The following ATP11A variants were observed in gnomAD, a reference collection of about 807,000 sequenced individuals.
The protein encoded by ATP11A is phospholipid-transporting ATPase IH.
ATP11A carries 81 observed loss-of-function variants against 154.4 expected under a neutral mutation model. The ratio of observed to expected loss-of-function variants is 0.52; its 90% CI spans 0.44 to 0.63. The LOEUF is 0.63. ATP11A is among the 30% of genes least tolerant of loss of function. The pLI, the probability that ATP11A is intolerant of heterozygous loss-of-function variation, is 0.00. For synonymous variants in ATP11A, 623 were observed against 585.9 expected (o/e 1.06, Z -0.91); for missense variants, 1,316 against 1,474.3 (o/e 0.89, Z 1.76).
At position 112,860,304 on chromosome 13, in the gene ATP11A, G is replaced by A. The variant is rs200313549; in HGVS notation, c.2745G>A (p.Ala915=). Residue 915 remains alanine (A), a synonymous_variant, in exon 24 of 30, where the codon GCG becomes GCA. Transcript: ENST00000375645. ...TCTTACAGACTTTGTACGACACCGC[G>A]TATCTGACCCTCTACAACATCAGCT... ...GFSQQTLYDT[A]YLTLYNISFT... is the part of the protein sequence containing the mutation. 70 of 1,614,026 alleles carry A rather than the reference G, an allele frequency of 4.3e-5. No homozygotes were observed. Among genetic ancestry groups the A allele is most frequent in the East Asian group, 1.3e-4 (6 of 44,884 alleles).
rs1253886400 is a variant in ATP11A, at chr13:112,696,313, C to T, written c.39+5858C>T. Among the ~76,000 whole-genome samples, 1 of 152,192 alleles carries T rather than the reference C, an allele frequency of 6.6e-6. No homozygotes were observed. Among genetic ancestry groups the T allele is most frequent in the Non-Finnish European group, 1.5e-5 (1 of 68,030 alleles). The stretch of plus-strand genomic sequence containing the variant: ...ACCTTGGGCTTTCCGGAACCTTCTC[C>T]CCGCACTCCTCTTCACGTGGAGAGT... On this transcript the variant is annotated intron_variant, in intron 1 of 29. Coordinates refer to ENST00000375645, the MANE Select transcript of ATP11A (RefSeq NM_015205.3). The surrounding 1 kb of genome is among the most constrained non-coding windows in gnomAD (Gnocchi z 6.2).
At chr13:112,862,675 G>T (rs2080149108) in intron 25 of ATP11A, 100 bp downstream of exon 25, 1 of 1,518,914 alleles carries the variant, frequency 6.6e-7, no homozygotes, top group African/African-American at 1.4e-5. Context: ...TGCAGCCCAT[G>T]CAGCTTCCCA....
Position 112,885,429 on chromosome 13 carries a change from C to G in ATP11A, c.*3563C>G, listed in dbSNP as rs1368901914. The stretch of plus-strand genomic sequence containing the variant: ...CATGTGTACACCACAAATGAGTTCC[C>G]AGACGTGTAAACACACGTGCACACA... On this transcript the variant is annotated 3_prime_UTR_variant, in exon 30 of 30. Transcript: ENST00000375645. The G allele has an allele frequency of 6.6e-6, 1 of 152,260 alleles. No homozygotes were observed. Among genetic ancestry groups the G allele is most frequent in the African/African-American group, 2.4e-5 (1 of 41,456 alleles). 9.4% of individuals were successfully genotyped at this position (152,260 alleles called of 1,614,324 possible).
chr13:112,761,616 ATCTCGG>A (rs2076964981), intron 1 of ATP11A, among the ~76,000 whole-genome samples: 1 of 82,106 alleles, frequency 1.2e-5, no homozygotes. Context: ...TTTGGGTACT[ATCTCGG>A]ATTCAGGAGT....
chr13:112,720,339 T>C (rs974960703), intron 1 of ATP11A, among the ~76,000 whole-genome samples: 4 of 152,204 alleles, frequency 2.6e-5, no homozygotes. Context: ...AGTGTGCGAT[T>C]GGTTAAAGCA....
intron 24 of ATP11A, 49 bp from the exon 25 acceptor site, chr13:112,862,391 C>A: frequency 6.2e-7 from 1 of 1,606,966 alleles, no homozygotes; most frequent in South Asian, 1.1e-5. Flanking sequence ...GGGGAGGTGC[C>A]GGGCCCTGAT....
At chr13:112,766,562 T>C (rs530521264) in intron 1 of ATP11A, among the ~76,000 whole-genome samples, 5 of 152,198 alleles carry the variant, frequency 3.3e-5, no homozygotes, top group Non-Finnish European at 7.4e-5. Context: ...CAGTGTCTTC[T>C]GGGGTCAGGG....
In ATP11A at chr13:112,842,353, C is replaced by T. The variant is rs760997483; in HGVS notation, c.1783C>T (p.Arg595Ter). The T allele has an allele frequency of 4.3e-6, 7 of 1,609,712 alleles. No individual in the cohort carries two copies. Among genetic ancestry groups the T allele is most frequent in the Non-Finnish European group, 5.1e-6 (6 of 1,177,932 alleles). Residue 595 changes from arginine (R) to a stop codon, truncating the protein, a stop_gained, in exon 17 of 30, where the codon CGA (arginine) becomes TGA (stop). Coordinates refer to ENST00000375645, the MANE Select transcript of ATP11A (RefSeq NM_015205.3). LOFTEE classifies it high-confidence loss of function. ...GATAGAAGGCAAAGTTGACCAGATC[C>T]GAGCCAGAGTGGAGCGTAACGCAGT... ...RVIEGKVDQI[R>*]ARVERNAVEG...
Position 112,797,341 on chromosome 13 carries a change from A to G in ATP11A, c.163-7616A>G, listed in dbSNP as rs4412884. On this transcript the variant is annotated intron_variant, in intron 2 of 29. Transcript: ENST00000375645. ...ATATGCATAATGAAAAAAACAAAAG[A>G]AGAGAGAAGAAATATCTCCAGTAAA... Among the ~76,000 whole-genome samples the G allele has an allele frequency of 5.2e-3, 788 of 151,820 alleles. 6 individuals are homozygous for G. The highest frequency in any genetic ancestry group is 0.017 in the African/African-American group (713 of 41,410).
chr13:112,728,475 G>T (rs533757356), intron 1 of ATP11A, among the ~76,000 whole-genome samples: 1 of 145,122 alleles, frequency 6.9e-6, no homozygotes, highest in African/African-American at 2.6e-5. Flanking sequence ...CGTGCAGCCC[G>T]CTTCCCTGTG....
chr13:112,696,227 G>A lies in ATP11A; in HGVS notation c.39+5772G>A, dbSNP rs1164620847. Among the ~76,000 whole-genome samples, 2 of 152,230 alleles carry A rather than the reference G, an allele frequency of 1.3e-5. No individual in the cohort carries two copies. Among genetic ancestry groups the A allele is most frequent in the Non-Finnish European group, 2.9e-5 (2 of 68,030 alleles). ...AGTGCACGGGGCGTCTTTGTTGCGC[G>A]CATGGACCTGCGGCTGCATCACCGT... On this transcript the variant is annotated intron_variant, in intron 1 of 29. Coordinates refer to ENST00000375645, the MANE Select transcript of ATP11A (RefSeq NM_015205.3). This position sits in a 1 kb window ranked among gnomAD's most constrained non-coding sequence, Gnocchi z 6.2.
At chr13:112,741,711 T>C (rs1891570983) in intron 1 of ATP11A, among the ~76,000 whole-genome samples, 1 of 152,172 alleles carries the variant, frequency 6.6e-6, no homozygotes, top group South Asian at 2.1e-4. Context: ...CTGCCCATAT[T>C]CAGTGGATGC....
rs1006461154 is a variant in ATP11A at position 112,714,530 on chromosome 13, C to T, written c.39+24075C>T. 3.9e-5 allele frequency among the ~76,000 whole-genome samples: 6 copies of T among 152,332 alleles called. 1 individual carries two copies. In the South Asian group the frequency reaches 1.2e-3, roughly 32 times the overall value. On this transcript the variant is annotated intron_variant, in intron 1 of 29. Transcript: ENST00000375645. ...CCTCCCCAGGGCTGAGGAGAGGTGG[C>T]GTCTCCACTCCTGACCTGGAGGCCC...
chr13:112,841,330 G>C (rs1227436822), intron 16 of ATP11A, among the ~76,000 whole-genome samples: 21 of 143,194 alleles, frequency 1.5e-4, no homozygotes, highest in Admixed American at 2.8e-4. Context: ...TCGCGGACCA[G>C]GGATGCTTCA....
rs763112434 is a variant in ATP11A at position 112,838,941 on chromosome 13, G to A, written c.1705+2690G>A. Among the ~76,000 whole-genome samples the A allele has an allele frequency of 1.2e-4, 19 of 152,214 alleles. No homozygotes were observed. Among genetic ancestry groups the A allele is most frequent in the Non-Finnish European group, 2.4e-4 (16 of 68,028 alleles). On this transcript the variant is annotated intron_variant, in intron 16 of 29. Coordinates refer to ENST00000375645, the MANE Select transcript of ATP11A (RefSeq NM_015205.3). This position sits in a 1 kb window ranked among gnomAD's most constrained non-coding sequence, Gnocchi z 7.3. Reference sequence around the variant, plus strand: ...AGACCCTGCAGCCAGCTCACAGCTCGTGTTTCCTCCTGGGCTCAGCCCTGT... The same window carrying A: ...AGACCCTGCAGCCAGCTCACAGCTCATGTTTCCTCCTGGGCTCAGCCCTGT...
At chr13:112,780,398 C>G (rs761109229) in intron 1 of ATP11A, among the ~76,000 whole-genome samples, 16 of 151,808 alleles carry the variant, frequency 1.1e-4, no homozygotes, top group African/African-American at 3.1e-4. Flanking sequence ...TCTCTGCGTT[C>G]GCCTTTTCTG....
At chr13:112,721,239 C>T (rs1889141805) in intron 1 of ATP11A, among the ~76,000 whole-genome samples, 1 of 152,156 alleles carries the variant, frequency 6.6e-6, no homozygotes. Flanking sequence ...GTTGCTGGAA[C>T]CCTCTGCCCC....
Position 112,810,787 on chromosome 13 carries a change from T to C in ATP11A, c.441+61T>C, listed in dbSNP as rs1440609703. Reference sequence around the variant, plus strand: ...CCAGTAACTGTTTAAAAAATAAGTTTTACCCAGGTGCAGTGGCTCGCGCCT... The same window carrying C: ...CCAGTAACTGTTTAAAAAATAAGTTCTACCCAGGTGCAGTGGCTCGCGCCT... On this transcript the variant is annotated intron_variant, in intron 5 of 29. Coordinates refer to ENST00000375645, the MANE Select transcript of ATP11A (RefSeq NM_015205.3). The C allele has an allele frequency of 3.3e-6, 5 of 1,511,410 alleles. No individual in the cohort carries two copies. The African/African-American group carries it at 4.1e-5, about 12-fold the overall frequency. 93.6% of individuals were successfully genotyped at this position (1,511,410 alleles called of 1,614,324 possible).
intron 2 of ATP11A, among the ~76,000 whole-genome samples, chr13:112,798,748 T>A (rs1171766604): frequency 6.6e-6 from 1 of 152,154 alleles, no homozygotes; most frequent in East Asian, 1.9e-4. Flanking sequence ...GAAAAGAGTA[T>A]AAGTCACAAA....
Sources: allele counts gnomAD v4.1 joint callset (sites outside exome capture counted in the v4.1 genomes callset), GRCh38; gene constraint gnomAD v4.1.1; non-coding constraint Gnocchi (gnomAD v3.1); transcripts MANE v1.5; gene names NCBI Gene and HGNC (gene_info 2026-07-23, HGNC 2026-07-21).